PCDHGA1: variants seen among roughly 807,000 people sequenced by gnomAD.
PCDHGA1 encodes protocadherin gamma-A1.
A neutral mutation model predicts 58.0 loss-of-function variants in PCDHGA1; 32 were observed. The ratio of observed to expected loss-of-function variants is 0.55; its 90% CI spans 0.42 to 0.74. The LOEUF is 0.74. Ranked by LOEUF, PCDHGA1 falls within the 30% of genes least tolerant of loss-of-function variation. The pLI is 0.00. For missense variants in PCDHGA1, 1,205 were observed against 1,182.3 expected, an observed-to-expected ratio of 1.02 and a Z score of -0.28; for synonymous variants, 498 against 501.1, an observed-to-expected ratio of 0.99 and a Z score of 0.08.
At chr5:141,387,739 C>T (rs182945836) in intron 1 of PCDHGA1, 1 of 1,328,598 alleles carries the variant, frequency 7.5e-7, no homozygotes, top group East Asian at 2.5e-5. Context: ...AGCCTTTACA[C>T]CGCTTCCTCC....
At chr5:141,384,987 G>A (rs775895766) in intron 1 of PCDHGA1, 14 of 1,614,114 alleles carry the variant, frequency 8.7e-6, no homozygotes, top group Non-Finnish European at 1.1e-5. Flanking sequence ...TGGTGGTGGC[G>A]GTGGCCACAG....
At chr5:141,479,242 A>G (rs2099491093) in intron 1 of PCDHGA1, 1 of 152,320 alleles carries the variant, frequency 6.6e-6, no homozygotes, top group African/African-American at 2.4e-5. Context: ...AAACCCAAAG[A>G]TAACCATTTT....
At chr5:141,464,131 G>C (rs982496493) in intron 1 of PCDHGA1, among the ~76,000 whole-genome samples, 19 of 152,056 alleles carry the variant, frequency 1.2e-4, no homozygotes, top group Admixed American at 2.0e-4. Flanking sequence ...TGGGTGTGGT[G>C]GTGGGCGCCT....
chr5:141,333,800 C>T (rs1487123615), intron 1 of PCDHGA1: 1 of 152,702 alleles, frequency 6.5e-6, no homozygotes, highest in Admixed American at 6.5e-5. Flanking sequence ...GATCCTCCCA[C>T]CTCAGCCTCT....
Position 141,361,102 on chromosome 5 carries a change from G to C in PCDHGA1, c.2421+27997G>C, listed in dbSNP as rs1025745459. The C allele has an allele frequency of 2.5e-6, 4 of 1,613,888 alleles. No homozygotes were observed. The African/African-American group carries it at 5.3e-5, about 22-fold the overall frequency. On this transcript the variant is annotated intron_variant, in intron 1 of 3. Transcript: ENST00000517417. ...TTACACTCTGAGTATCGAAGCAAAA[G>C]ATCCTGGAGATCTAGCAGCCCACTG...
chr5:141,429,377 GTT>G (rs566693637), intron 1 of PCDHGA1, among the ~76,000 whole-genome samples: 7 of 149,436 alleles, frequency 4.7e-5, no homozygotes, highest in African/African-American at 1.7e-4. Flanking sequence ...GAGAAAATGT[GTT>G]TTTTTTTTAA....
intron 1 of PCDHGA1, among the ~76,000 whole-genome samples, chr5:141,348,825 AGAGTAT>A (rs1252286003): frequency 6.6e-6 from 1 of 152,224 alleles, no homozygotes; most frequent in East Asian, 1.9e-4. Flanking sequence ...TGTTTCGAAT[AGAGTAT>A]GAGTATGGGT....
intron 3 of PCDHGA1, among the ~76,000 whole-genome samples, chr5:141,508,943 CAG>C (rs1562237475): frequency 1.3e-5 from 2 of 151,982 alleles, no homozygotes; most frequent in Admixed American, 6.6e-5. Context: ...TTAGGGAAAA[CAG>C]AGAAATGTCA....
chr5:141,408,870 G>A (rs780987841), intron 1 of PCDHGA1: 1 of 1,613,656 alleles, frequency 6.2e-7, no homozygotes, highest in South Asian at 1.1e-5. Context: ...CCACCAAGAA[G>A]TGCCACCGCT....
Position 141,349,219 on chromosome 5 carries a change from G to A in PCDHGA1, c.2421+16114G>A, listed in dbSNP as rs192397680. Among the ~76,000 whole-genome samples, 605 of 141,486 alleles carry A rather than the reference G, an allele frequency of 4.3e-3. 3 individuals are homozygous for A. The highest frequency in any genetic ancestry group is 0.015 in the Admixed American group (211 of 14,046). The allele number at this position is 141,486 out of a possible 152,430, so 92.8% of individuals were successfully genotyped here. On this transcript the variant is annotated intron_variant, in intron 1 of 3. Coordinates refer to ENST00000517417, the MANE Select transcript of PCDHGA1 (RefSeq NM_018912.3). ...CGAGTAGCTGGCGTTACAGGTACCC[G>A]CCACCATGCCTGGATAATTTTTATT...
At chr5:141,375,572 CA>C in intron 1 of PCDHGA1, 2 of 1,614,102 alleles carry the variant, frequency 1.2e-6, no homozygotes, top group Non-Finnish European at 1.7e-6. Flanking sequence ...AGACACCCTC[CA>C]GGGGGCGCCC....
Position 141,486,173 on chromosome 5 carries a change from T to C in PCDHGA1, c.2422-8634T>C. 1 of 1,614,220 alleles carries C rather than the reference T, an allele frequency of 6.2e-7. No homozygotes were observed. Among genetic ancestry groups the C allele is most frequent in the Non-Finnish European group, 8.5e-7 (1 of 1,180,042 alleles). ...GGGTTCTCCAGCCATGGAGCAACATTGCAGCCTTCGAGTGGATCTGCTGGA... is the reference window on the plus strand; with the variant it reads ...GGGTTCTCCAGCCATGGAGCAACATCGCAGCCTTCGAGTGGATCTGCTGGA... On this transcript the variant is annotated intron_variant, in intron 1 of 3. Transcript: ENST00000517417. The surrounding 1 kb of genome is among the most constrained non-coding windows in gnomAD (Gnocchi z 5.0).
intron 1 of PCDHGA1, chr5:141,420,357 C>A: frequency 7.3e-7 from 1 of 1,376,278 alleles, no homozygotes; most frequent in East Asian, 2.6e-5. Flanking sequence ...TTTTAAGATT[C>A]TAGATAACTT....
intron 1 of PCDHGA1, among the ~76,000 whole-genome samples, chr5:141,401,330 A>G (rs1377404173): frequency 6.6e-6 from 1 of 152,218 alleles, no homozygotes. Context: ...CAACAAGAGC[A>G]AAACTCCATC....
chr5:141,446,623 TGC>T (rs1310809206), intron 1 of PCDHGA1, among the ~76,000 whole-genome samples: 1 of 152,014 alleles, frequency 6.6e-6, no homozygotes, highest in African/African-American at 2.4e-5. Flanking sequence ...ACTACAGGCG[TGC>T]ACCACCACGC....
chr5:141,403,582 G>A (rs973617374), intron 1 of PCDHGA1: 1 of 1,613,910 alleles, frequency 6.2e-7, no homozygotes, highest in Non-Finnish European at 8.5e-7. Flanking sequence ...CCCACCACCT[G>A]GTCCTCACGG....
In PCDHGA1 at chr5:141,485,354, G is replaced by C; in HGVS notation, c.2422-9453G>C. 7 of 1,614,176 alleles carry C rather than the reference G, an allele frequency of 4.3e-6. No homozygotes were observed. Among genetic ancestry groups the C allele is most frequent in the Non-Finnish European group, 5.1e-6 (6 of 1,180,024 alleles). Reference sequence around the variant, plus strand: ...CCTGCTGGATACGGACAGTCTGTCAGCTCGCAGGCTGCAGGTCGCTGGAGA... The same window carrying C: ...CCTGCTGGATACGGACAGTCTGTCACCTCGCAGGCTGCAGGTCGCTGGAGA... On this transcript the variant is annotated intron_variant, in intron 1 of 3. Transcript: ENST00000517417. This position sits in a 1 kb window ranked among gnomAD's most constrained non-coding sequence, Gnocchi z 5.7.
rs552811383 is a variant in PCDHGA1, at chr5:141,351,385, T to C, written c.2421+18280T>C. 2.0e-5 allele frequency: 32 copies of C among 1,612,156 alleles called. No individual in the cohort carries two copies. In the South Asian group the frequency reaches 3.2e-4, roughly 16 times the overall value. On this transcript the variant is annotated intron_variant, in intron 1 of 3. Transcript: ENST00000517417. ...TGCGAGACAAGGATTCTGGGCAAAA[T>C]GGCATGGTGACATGCTATACTCAGG...
At chr5:141,410,583 G>A (rs1257322419) in intron 1 of PCDHGA1, 1 of 1,610,052 alleles carries the variant, frequency 6.2e-7, no homozygotes, top group African/African-American at 1.3e-5. Context: ...CCTCATGGTG[G>A]GGAGGATTTG....
Sources: allele counts gnomAD v4.1 joint callset (sites outside exome capture counted in the v4.1 genomes callset), GRCh38; gene constraint gnomAD v4.1.1; non-coding constraint Gnocchi (gnomAD v3.1); transcripts MANE v1.5; gene names NCBI Gene and HGNC (gene_info 2026-07-23, HGNC 2026-07-21).